The following CUX1 variants were observed in gnomAD, a reference collection of about 807,000 sequenced individuals.
CUX1 encodes cut like homeobox 1.
A neutral mutation model predicts 158.8 loss-of-function variants in CUX1; 31 were observed. The ratio of observed to expected loss-of-function variants is 0.20; its 90% confidence interval spans 0.15 to 0.26. The LOEUF is 0.26. CUX1 is among the 10% of genes least tolerant of loss of function. The probability of loss-of-function intolerance (pLI) is 1.00; values close to 1 mark genes in which losing one functional copy is unlikely to be tolerated. For missense variants in CUX1, 1,589 were observed against 2,014.6 expected, an observed-to-expected ratio of 0.79 and a Z score of 4.04; for synonymous variants, 879 against 862.1, an observed-to-expected ratio of 1.02 and a Z score of -0.34.
intron 1 of CUX1, among the ~76,000 whole-genome samples, chr7:101,833,594 A>G (rs564369437): frequency 5.3e-5 from 8 of 150,158 alleles, no homozygotes; most frequent in African/African-American, 7.4e-5. Flanking sequence ...AAAGAATCCA[A>G]AAGCAAGCTT....
chr7:101,825,897 A>C (rs573437375), intron 1 of CUX1, among the ~76,000 whole-genome samples: 8 of 151,900 alleles, frequency 5.3e-5, no homozygotes, highest in Non-Finnish European at 1.2e-4. Context: ...TACTTGTTTC[A>C]AAACTGCCCA....
intron 2 of CUX1, among the ~76,000 whole-genome samples, chr7:101,989,369 C>T (rs906818425): frequency 6.6e-6 from 1 of 152,226 alleles, no homozygotes; most frequent in Non-Finnish European, 1.5e-5. Context: ...GCTCGGCGTG[C>T]CGCACTGGCC....
chr7:101,964,340 G>T (rs551020040), intron 2 of CUX1, among the ~76,000 whole-genome samples: 6 of 152,006 alleles, frequency 3.9e-5, no homozygotes, highest in Admixed American at 3.9e-4. Context: ...GCAACAGAGC[G>T]AGACTCCATC....
intron 2 of CUX1, among the ~76,000 whole-genome samples, chr7:101,919,197 GGT>G (rs1267247543): frequency 1.3e-5 from 2 of 151,892 alleles, no homozygotes; most frequent in African/African-American, 4.8e-5. Context: ...TGTGACAGCA[GGT>G]GTGTGTGTGT....
chr7:101,890,419 TC>T (rs1287476979), intron 1 of CUX1, among the ~76,000 whole-genome samples: 2 of 150,614 alleles, frequency 1.3e-5, no homozygotes, highest in African/African-American at 4.9e-5. Context: ...AGGACAGCTG[TC>T]CCCCCCTCCA....
At chr7:102,168,453 G>C (rs1563340815) in intron 9 of CUX1, among the ~76,000 whole-genome samples, 2 of 152,018 alleles carry the variant, frequency 1.3e-5, no homozygotes. Flanking sequence ...TTCGATACCA[G>C]CCTGGCCAAC....
At chr7:101,871,842 ACC>A in intron 1 of CUX1, among the ~76,000 whole-genome samples, 2 of 152,106 alleles carry the variant, frequency 1.3e-5, no homozygotes, top group East Asian at 3.9e-4. Flanking sequence ...AGTTGGTGAA[ACC>A]CCGTCTCTAC....
chr7:102,120,325 C>G (rs1554493056), intron 8 of CUX1, among the ~76,000 whole-genome samples: 2 of 152,232 alleles, frequency 1.3e-5, no homozygotes, highest in African/African-American at 4.8e-5. Context: ...CAGCTTCTTG[C>G]ATTCCTCCCC....
At chr7:101,826,387 A>C (rs1793302215) in intron 1 of CUX1, among the ~76,000 whole-genome samples, 1 of 151,208 alleles carries the variant, frequency 6.6e-6, no homozygotes, top group Non-Finnish European at 1.5e-5. Flanking sequence ...TTTTTTTTAG[A>C]GACAGGGTTT....
At position 102,248,923 on chromosome 7, in the gene CUX1, G is replaced by A. The variant is rs781954395; in HGVS notation, c.4399G>A (p.Gly1467Ser). ...CCTTTTCGGCCTCCCCGAGGCCGCG[G>A]GCGCCCGGGACTCGCGCGACAACCC... Reference protein sequence around the residue: ...QSLFGLPEAAGARDSRDNPLR... With the variant: ...QSLFGLPEAASARDSRDNPLR... The change falls in exon 24 of 24, where the codon GGC becomes AGC. Residue 1467 changes from glycine to serine, a missense_variant. Gly to Ser is a moderately conservative substitution (Grantham distance 56). This residue lies in a region of CUX1 where 344 missense variants were observed against 323.7 expected (regional missense o/e 1.06). Coordinates refer to ENST00000292535, the MANE Select transcript of CUX1 (RefSeq NM_181552.4). The surrounding 1 kb of genome is among the most constrained non-coding windows in gnomAD (Gnocchi z 5.8). The A allele has an allele frequency of 1.4e-6, 2 of 1,465,648 alleles. No individual in the cohort carries two copies. Among genetic ancestry groups the A allele is most frequent in the East Asian group, 5.8e-5 (2 of 34,266 alleles). The allele number at this position is 1,465,648 out of a possible 1,614,324, so 90.8% of individuals were successfully genotyped here. A position where few individuals can be genotyped will look rare whatever the true frequency, so the allele number is the denominator to read the frequency against.
chr7:102,005,459 C>G (rs1817233503), intron 2 of CUX1, among the ~76,000 whole-genome samples: 1 of 152,196 alleles, frequency 6.6e-6, no homozygotes, highest in African/African-American at 2.4e-5. Context: ...CTCAGCCTCC[C>G]AAGTAGCTGG....
chr7:102,218,193 C>G (rs566686894), intron 20 of CUX1, among the ~76,000 whole-genome samples: 1 of 152,212 alleles, frequency 6.6e-6, no homozygotes, highest in Non-Finnish European at 1.5e-5. Flanking sequence ...TGCTTAGTGA[C>G]TTCGGCCTCC....
At chr7:102,211,397 G>A (rs1221702488) in intron 20 of CUX1, among the ~76,000 whole-genome samples, 3 of 152,148 alleles carry the variant, frequency 2.0e-5, no homozygotes, top group African/African-American at 7.2e-5. Flanking sequence ...AGTGAGCAAT[G>A]ATAGCATCAC....
intron 1 of CUX1, among the ~76,000 whole-genome samples, chr7:101,858,392 CAG>C (rs961925656): frequency 9.2e-5 from 14 of 152,298 alleles, no homozygotes; most frequent in African/African-American, 3.4e-4. Context: ...GTCCCCTTCT[CAG>C]AGGAGCCATC....
At chr7:102,093,415 G>A (rs1828856039) in intron 4 of CUX1, among the ~76,000 whole-genome samples, 1 of 152,020 alleles carries the variant, frequency 6.6e-6, no homozygotes, top group African/African-American at 2.4e-5. Flanking sequence ...TCAAACTCCT[G>A]GGCTCAAACA....
intron 8 of CUX1, among the ~76,000 whole-genome samples, chr7:102,124,823 C>G (rs1194166405): frequency 1.3e-5 from 2 of 151,520 alleles, no homozygotes; most frequent in Non-Finnish European, 2.9e-5. Context: ...CCTCTGTTGC[C>G]CAGGCTGGAG....
At chr7:101,986,788 C>T (rs1814365897) in intron 2 of CUX1, among the ~76,000 whole-genome samples, 1 of 152,214 alleles carries the variant, frequency 6.6e-6, no homozygotes, top group African/African-American at 2.4e-5. Flanking sequence ...CCTACCAGAG[C>T]AGAGTCTTTC....
chr7:102,038,219 C>T (rs1218155066), intron 3 of CUX1, among the ~76,000 whole-genome samples: 1 of 152,180 alleles, frequency 6.6e-6, no homozygotes, highest in East Asian at 1.9e-4. Flanking sequence ...TAGATTCAGA[C>T]ATCCAGAATG....
rs782257623 is a variant in CUX1 at position 102,204,546 on chromosome 7, G to A, written c.3063G>A (p.Gln1021=). ...GTGTTCTACCCGTCCAGGGCCAGCA[G>A]CAAGGGCCAGGTAATGGGGGTCCTG... ...GQGVLPVQGQ[Q]QGPVLHSVTS... The change falls in exon 19 of 24, where the codon CAG becomes CAA. Residue 1021 remains glutamine (Q), a synonymous_variant. Transcript: ENST00000292535. 1.9e-6 allele frequency: 3 copies of A among 1,613,258 alleles called. No individual in the cohort carries two copies. Among genetic ancestry groups the A allele is most frequent in the Non-Finnish European group, 2.5e-6 (3 of 1,179,840 alleles).
Sources: gnomAD v4.1 joint callset for allele counts (sites outside exome capture counted in the v4.1 genomes callset) on GRCh38, gnomAD v4.1.1 for gene constraint, gnomAD v4.1.1 regional missense constraint, Gnocchi (gnomAD v3.1) non-coding constraint, MANE v1.5 for transcripts, NCBI Gene and HGNC (gene_info 2026-07-23, HGNC 2026-07-21) for gene names.